PTPN2: variants seen among roughly 807,000 people sequenced by gnomAD.
PTPN2 encodes tyrosine-protein phosphatase non-receptor type 2.
In PTPN2, 19 loss-of-function variants were observed where a neutral mutation model predicts 57.3. That is an observed-to-expected ratio of 0.33 (90% confidence interval 0.23 to 0.49). The LOEUF (loss-of-function observed/expected upper bound fraction) is 0.49, where lower values mean the gene tolerates loss of function less well. Among genes scored for constraint, PTPN2 ranks in the 20% least tolerant of loss-of-function variants. The pLI is 0.99. For synonymous variants in PTPN2, 153 were observed against 164.9 expected, an observed-to-expected ratio of 0.93 and a Z score of 0.55; for missense variants, 358 against 501.1, an observed-to-expected ratio of 0.71 and a Z score of 2.73.
At chr18:12,824,596 T>C (rs1376573836) in intron 5 of PTPN2, among the ~76,000 whole-genome samples, 1 of 152,236 alleles carries the variant, frequency 6.6e-6, no homozygotes, top group Non-Finnish European at 1.5e-5. Flanking sequence ...ACAGTTTCTA[T>C]TAGCATCTCA....
intron 1 of PTPN2, chr18:12,872,297 A>G (rs2044294870): frequency 1.3e-5 from 2 of 152,212 alleles, no homozygotes; most frequent in Non-Finnish European, 2.9e-5. Context: ...TAGCTTTCAG[A>G]CTATAAAACC....
At chr18:12,849,969 AT>A (rs2043339685) in intron 2 of PTPN2, among the ~76,000 whole-genome samples, 1 of 151,970 alleles carries the variant, frequency 6.6e-6, no homozygotes, top group Non-Finnish European at 1.5e-5. Context: ...TTCTCCTGAT[AT>A]TGTTTATATG....
intron 1 of PTPN2, among the ~76,000 whole-genome samples, chr18:12,873,506 C>A (rs1381083517): frequency 6.6e-6 from 1 of 152,228 alleles, no homozygotes; most frequent in African/African-American, 2.4e-5. Flanking sequence ...GCCGGGCTGG[C>A]CTCCAGCTCC....
intron 1 of PTPN2, among the ~76,000 whole-genome samples, chr18:12,880,983 T>A (rs1056350952): frequency 8.5e-5 from 13 of 152,350 alleles, no homozygotes; most frequent in African/African-American, 3.1e-4. Context: ...CTTTACCATT[T>A]CATTTCAAAT....
chr18:12,811,224 T>C (rs1172581353), intron 7 of PTPN2, among the ~76,000 whole-genome samples: 1 of 152,174 alleles, frequency 6.6e-6, no homozygotes, highest in Non-Finnish European at 1.5e-5. Context: ...CTGGGTTGAC[T>C]ATGCTGTGAC....
chr18:12,818,086 G>A (rs557867657), intron 5 of PTPN2, among the ~76,000 whole-genome samples: 3 of 152,258 alleles, frequency 2.0e-5, no homozygotes, highest in Non-Finnish European at 2.9e-5. Flanking sequence ...AGGTTGCAGT[G>A]AGCAGAGATC....
chr18:12,798,644 G>A (rs1427314788), intron 8 of PTPN2, among the ~76,000 whole-genome samples: 1 of 152,118 alleles, frequency 6.6e-6, no homozygotes, highest in Non-Finnish European at 1.5e-5. Context: ...TTTTCTTTAT[G>A]CAGTCTATCA....
intron 3 of PTPN2, among the ~76,000 whole-genome samples, chr18:12,832,172 A>G (rs1034926610): frequency 2.0e-5 from 3 of 152,160 alleles, no homozygotes; most frequent in African/African-American, 7.2e-5. Flanking sequence ...GCTAGAGTGC[A>G]GTGTCACGAT....
intron 1 of PTPN2, among the ~76,000 whole-genome samples, chr18:12,861,737 C>A (rs2043815181): frequency 6.6e-6 from 1 of 152,148 alleles, no homozygotes; most frequent in Admixed American, 6.5e-5. Flanking sequence ...GGAGGGGAGG[C>A]TTAAAACAAC....
intron 1 of PTPN2, among the ~76,000 whole-genome samples, chr18:12,864,726 T>A (rs148818968): frequency 1.4e-4 from 22 of 152,308 alleles, no homozygotes; most frequent in Middle Eastern, 6.8e-3. Context: ...ATGTGTTTAC[T>A]TTCTCCTATT....
At chr18:12,866,382 G>A (rs1239352238) in intron 1 of PTPN2, among the ~76,000 whole-genome samples, 2 of 152,058 alleles carry the variant, frequency 1.3e-5, no homozygotes, top group Admixed American at 6.6e-5. Context: ...GGCTTGCAGT[G>A]AGCCAAGATT....
At chr18:12,795,298 T>C (rs2041130257) in intron 8 of PTPN2, among the ~76,000 whole-genome samples, 2 of 151,924 alleles carry the variant, frequency 1.3e-5, no homozygotes, top group Admixed American at 1.3e-4. Context: ...TTTGGGGTGG[T>C]GGGGGAGGCG....
At chr18:12,832,487 G>T (rs1420521133) in intron 3 of PTPN2, among the ~76,000 whole-genome samples, 2 of 152,104 alleles carry the variant, frequency 1.3e-5, no homozygotes, top group East Asian at 3.9e-4. Flanking sequence ...TTACTTAAAT[G>T]AATAAACCAA....
chr18:12,874,635 G>T (rs542635471), intron 1 of PTPN2, among the ~76,000 whole-genome samples: 47 of 141,892 alleles, frequency 3.3e-4, no homozygotes, highest in African/African-American at 1.2e-3. Flanking sequence ...GAGGGAGGTG[G>T]GGGGGTCAGC....
chr18:12,824,795 T>C (rs1454016008), intron 5 of PTPN2, among the ~76,000 whole-genome samples: 1 of 152,054 alleles, frequency 6.6e-6, no homozygotes, highest in African/African-American at 2.4e-5. Flanking sequence ...GGAAGAAAAA[T>C]GCAAGTAAGG....
chr18:12,845,981 T>A (rs973293028), intron 2 of PTPN2, among the ~76,000 whole-genome samples: 1 of 152,228 alleles, frequency 6.6e-6, no homozygotes, highest in African/African-American at 2.4e-5. Flanking sequence ...AAGGATACAA[T>A]CTGTTCTTTC....
chr18:12,809,185 C>T (rs1162111651), intron 7 of PTPN2, among the ~76,000 whole-genome samples: 3 of 152,160 alleles, frequency 2.0e-5, no homozygotes, highest in Admixed American at 6.6e-5. Context: ...GGATTCGGAC[C>T]AAGATGAAGA....
chr18:12,872,039 ACT>A (rs1451521362), intron 1 of PTPN2, among the ~76,000 whole-genome samples: 5 of 142,318 alleles, frequency 3.5e-5, no homozygotes, highest in Non-Finnish European at 6.1e-5. Flanking sequence ...ACAGAGCAAG[ACT>A]CTGTCTCAAA....
chr18:12,878,116 T>G (rs1394664960), intron 1 of PTPN2, among the ~76,000 whole-genome samples: 1 of 151,922 alleles, frequency 6.6e-6, no homozygotes, highest in Non-Finnish European at 1.5e-5. Context: ...GTGGACAGAT[T>G]GCTTGAACTC....
Sources: allele counts gnomAD v4.1 joint callset (sites outside exome capture counted in the v4.1 genomes callset), GRCh38; gene constraint gnomAD v4.1.1; transcripts MANE v1.5; gene names NCBI Gene and HGNC (gene_info 2026-07-23, HGNC 2026-07-21).